TKFC: variants seen among roughly 807,000 people sequenced by gnomAD.
TKFC encodes the protein triokinase and FMN cyclase.
TKFC carries 46 observed loss-of-function variants against 61.0 expected under a neutral mutation model. That is an observed-to-expected ratio of 0.75 (90% CI 0.60 to 0.96). The LOEUF is 0.96. Ranked by LOEUF, TKFC falls within the 50% of genes least tolerant of loss-of-function variation. TKFC has a pLI of 0.00. For synonymous variants in TKFC, 314 were observed against 330.1 expected (o/e 0.95, Z 0.53); for missense variants, 715 against 777.5 (o/e 0.92, Z 0.96).
At chr11:61,341,594 T>C in intron 6 of TKFC, 80 bp downstream of exon 6, 1 of 1,452,772 alleles carries the variant, frequency 6.9e-7, no homozygotes, top group African/African-American at 1.4e-5. Context: ...TCCTGTTGGC[T>C]GCCTAGCGGT....
At chr11:61,338,227 C>G in intron 3 of TKFC, 97 bp downstream of exon 3, 1 of 1,242,708 alleles carries the variant, frequency 8.0e-7, no homozygotes, top group Non-Finnish European at 1.1e-6. Context: ...TGGAGCTCAG[C>G]CCAGAATCAG....
intron 1 of TKFC, chr11:61,334,154 T>C (rs1241707750): frequency 6.6e-6 from 1 of 152,666 alleles, no homozygotes; most frequent in African/African-American, 2.4e-5. Flanking sequence ...AGATTCTGGC[T>C]GTTACCTGTA....
intron 3 of TKFC, among the ~76,000 whole-genome samples, chr11:61,338,630 T>C (rs1277445968): frequency 6.6e-6 from 1 of 152,116 alleles, no homozygotes; most frequent in East Asian, 1.9e-4. Flanking sequence ...GCAAAATCCA[T>C]TCATTTGGCA....
At chr11:61,343,593 C>A in intron 11 of TKFC, 135 bp downstream of exon 11, 1 of 848,274 alleles carries the variant, frequency 1.2e-6, no homozygotes, top group Non-Finnish European at 1.8e-6. Context: ...TCTTCCTGGG[C>A]TTCTCCAGCC....
At chr11:61,340,366 G>T (rs1856806138) in intron 5 of TKFC, among the ~76,000 whole-genome samples, 1 of 70 alleles carries the variant, frequency 0.014, no homozygotes, top group African/African-American at 0.016. Flanking sequence ...TTTTTTTTTT[G>T]AGACGGAGTC....
At chr11:61,350,743 G>C, downstream of TKFC, 1 of 603,562 alleles carries the variant, frequency 1.7e-6, no homozygotes, top group Non-Finnish European at 2.8e-6. Context: ...TCACCCCACA[G>C]AACCACAGTG....
Position 61,347,556 on chromosome 11 carries a change from A to C in TKFC, c.*1053A>C. The C allele has an allele frequency of 2.4e-6, 2 of 835,916 alleles. No individual in the cohort carries two copies. Among genetic ancestry groups the C allele is most frequent in the Non-Finnish European group, 2.8e-6 (2 of 711,568 alleles). The allele number at this position is 835,916 out of a possible 1,614,324, so 51.8% of individuals were successfully genotyped here. ...CCTGTCTCAAAAAAAAAAAAAAAAA[A>C]AAAAGAAACTGCAGCCAAGCCAGCC... On this transcript the variant is annotated 3_prime_UTR_variant, in exon 18 of 18. Transcript: ENST00000394900.
At chr11:61,345,636 C>A in intron 15 of TKFC, 71 bp downstream of exon 15, 1 of 1,613,274 alleles carries the variant, frequency 6.2e-7, no homozygotes, top group South Asian at 1.1e-5. Flanking sequence ...TGCGCCCTGC[C>A]AGGCCCTAGC....
At chr11:61,351,606 C>G (rs1857414310), downstream of TKFC, 1 of 151,366 alleles carries the variant, frequency 6.6e-6, no homozygotes, top group South Asian at 2.1e-4. Flanking sequence ...AACACCCTTT[C>G]TAAGTCCCTG....
chr11:61,334,647 G>T lies in TKFC; in HGVS notation c.-82G>T. 1 of 1,601,336 alleles carries T rather than the reference G, an allele frequency of 6.2e-7. No individual in the cohort carries two copies. Among genetic ancestry groups the T allele is most frequent in the South Asian group, 1.1e-5 (1 of 90,152 alleles). On this transcript the variant is annotated 5_prime_UTR_variant, in exon 2 of 18. Coordinates refer to ENST00000394900, the MANE Select transcript of TKFC (RefSeq NM_015533.4). ...GCTGCTGCTGCCTCCACTGTACTCA[G>T]ACCCAGGTAGCACAGGATTGTCCAT...
At chr11:61,350,957 G>A, downstream of TKFC, 1 of 1,598,566 alleles carries the variant, frequency 6.3e-7, no homozygotes, top group Non-Finnish European at 8.5e-7. Context: ...ACCTGGCCCT[G>A]TCCCACCCTG....
intron 9 of TKFC, 36 bp downstream of exon 9, chr11:61,342,694 C>G: frequency 6.2e-7 from 1 of 1,613,840 alleles, no homozygotes; most frequent in Non-Finnish European, 8.5e-7. Context: ...CCAACCCCTC[C>G]TAAACCTCTG....
At chr11:61,352,660 CAA>C, downstream of TKFC, 1 of 492,094 alleles carries the variant, frequency 2.0e-6, no homozygotes, top group Non-Finnish European at 2.9e-6. Flanking sequence ...GACTCCATCT[CAA>C]AAAAAAAGAA....
downstream of TKFC, chr11:61,351,054 C>T (rs770978030): frequency 8.7e-6 from 14 of 1,614,030 alleles, no homozygotes; most frequent in South Asian, 1.1e-5. Flanking sequence ...GGATGTAGAG[C>T]ACCAGCAGCC....
At chr11:61,345,226 C>G in intron 13 of TKFC, 34 bp from the exon 14 acceptor site, 1 of 1,477,886 alleles carries the variant, frequency 6.8e-7, no homozygotes, top group South Asian at 1.3e-5. Context: ...GAGGGAGGAT[C>G]TCTGAATTCC....
intron 2 of TKFC, chr11:61,336,454 CA>C (rs1856610789): frequency 6.6e-6 from 1 of 152,484 alleles, no homozygotes; most frequent in Non-Finnish European, 1.5e-5. Flanking sequence ...GTCTTCAGGA[CA>C]AAGCCAGGGG....
chr11:61,346,072 A>G lies in TKFC; in HGVS notation c.1575+126A>G, dbSNP rs1347971844. On this transcript the variant is annotated intron_variant, in intron 17 of 17. Transcript: ENST00000394900. The surrounding 1 kb of genome is among the most constrained non-coding windows in gnomAD (Gnocchi z 4.1). Reference sequence around the variant, plus strand: ...CAGTTTCCTTCTCTGTACAATGGAGATGAGCACCTATCTCAGAAGGTGGTT... The same window carrying G: ...CAGTTTCCTTCTCTGTACAATGGAGGTGAGCACCTATCTCAGAAGGTGGTT... The G allele has an allele frequency of 3.5e-6, 4 of 1,143,162 alleles. No individual in the cohort carries two copies. The African/African-American group carries it at 6.2e-5, about 18-fold the overall frequency. The allele number at this position is 1,143,162 out of a possible 1,614,324, so 70.8% of individuals were successfully genotyped here.
Position 61,341,434 on chromosome 11 carries a change from A to G in TKFC, c.487-2A>G. ...GGGGCTTTTACCTCTTTGTGGCTGC[A>G]GGTGGCAGGTGCTCTGGCTGAGGCT... On this transcript the variant is annotated splice_acceptor_variant, in intron 5 of 17. Coordinates refer to ENST00000394900, the MANE Select transcript of TKFC (RefSeq NM_015533.4). LOFTEE classifies it high-confidence loss of function. 6 of 1,553,010 alleles carry G rather than the reference A, an allele frequency of 3.9e-6. No homozygotes were observed. Among genetic ancestry groups the G allele is most frequent in the Non-Finnish European group, 5.2e-6 (6 of 1,147,650 alleles).
rs777289885 is a variant in TKFC at position 61,339,278 on chromosome 11, A to G, written c.329A>G (p.Asn110Ser). Residue 110 changes from asparagine (N) to serine (S), a missense_variant, in exon 5 of 18, where the codon AAC becomes AGC. Asn to Ser is a conservative substitution (Grantham distance 46). Transcript: ENST00000394900. ...GTVGTLLIVK[N>S]YTGDRLNFGL... is the part of the protein sequence containing the mutation. ...GTGGGGACGCTCCTTATCGTGAAGA[A>G]CTACACTGGGGATCGGCTCAACTTC... 1.9e-6 allele frequency: 3 copies of G among 1,613,526 alleles called. No homozygotes were observed. The highest frequency in any genetic ancestry group is 4.5e-5 in the East Asian group (2 of 44,874).
Sources: gnomAD v4.1 joint callset for allele counts (sites outside exome capture counted in the v4.1 genomes callset) on GRCh38, gnomAD v4.1.1 for gene constraint, Gnocchi (gnomAD v3.1) non-coding constraint, MANE v1.5 for transcripts, NCBI Gene and HGNC (gene_info 2026-07-23, HGNC 2026-07-21) for gene names.